The following KSR2 variants were observed in gnomAD, a reference collection of about 807,000 sequenced individuals.
The protein encoded by KSR2 is kinase suppressor of ras 2.
Under a neutral mutation model 107.8 loss-of-function variants are expected in KSR2, and 25 were observed. That is an observed-to-expected ratio of 0.23 (90% CI 0.17 to 0.32). The LOEUF is 0.32. KSR2 is among the 10% of genes least tolerant of loss of function. The pLI is 1.00. For synonymous variants in KSR2, 480 were observed against 507.0 expected (o/e 0.95, Z 0.71); for missense variants, 887 against 1,268.9 (o/e 0.70, Z 4.57).
At chr12:117,740,482 TATA>T (rs1222264648) in intron 4 of KSR2, among the ~76,000 whole-genome samples, 3 of 126,730 alleles carry the variant, frequency 2.4e-5, no homozygotes, top group East Asian at 2.1e-4. Context: ...ATATATAACA[TATA>T]ATATATATGT....
At chr12:117,777,088 T>TTATATATATATA (rs1288633301) in intron 3 of KSR2, among the ~76,000 whole-genome samples, 4,210 of 132,228 alleles carry the variant, frequency 0.032, 136 homozygotes, top group Middle Eastern at 0.075. Flanking sequence ...TATATATATT[T>TTATATATATATA]TATATATATA....
At chr12:117,767,057 C>T (rs1221620360) in intron 3 of KSR2, among the ~76,000 whole-genome samples, 1 of 151,726 alleles carries the variant, frequency 6.6e-6, no homozygotes, top group African/African-American at 2.4e-5. Context: ...CCTCAACCTC[C>T]CAAAGTGCTG....
intron 5 of KSR2, among the ~76,000 whole-genome samples, chr12:117,607,966 A>T (rs1196289133): frequency 6.6e-6 from 1 of 152,204 alleles, no homozygotes; most frequent in African/African-American, 2.4e-5. Flanking sequence ...TCAGCACTGC[A>T]GCCCGGCCAA....
chr12:117,788,518 T>C (rs375423876), intron 3 of KSR2, among the ~76,000 whole-genome samples: 7 of 152,334 alleles, frequency 4.6e-5, no homozygotes, highest in African/African-American at 1.2e-4. Context: ...CACTTTTTTT[T>C]TGAGACAGAG....
chr12:117,605,578 G>A (rs1881181922), intron 5 of KSR2, among the ~76,000 whole-genome samples: 1 of 151,942 alleles, frequency 6.6e-6, no homozygotes, highest in African/African-American at 2.4e-5. Context: ...CCCAGTATGT[G>A]TTGTTCCCCT....
intron 7 of KSR2, among the ~76,000 whole-genome samples, chr12:117,578,643 T>C (rs577258100): frequency 2.0e-4 from 30 of 150,194 alleles, no homozygotes; most frequent in African/African-American, 5.9e-4. Flanking sequence ...GAAAAGGAGT[T>C]GGCAAATTCT....
intron 9 of KSR2, among the ~76,000 whole-genome samples, chr12:117,551,172 T>C (rs999060061): frequency 4.6e-5 from 7 of 152,178 alleles, no homozygotes; most frequent in Middle Eastern, 3.2e-3. Flanking sequence ...TGGCAGATGC[T>C]ACTGTTGCTG....
intron 9 of KSR2, among the ~76,000 whole-genome samples, chr12:117,551,978 C>G (rs765462626): frequency 8.5e-5 from 13 of 152,128 alleles, no homozygotes; most frequent in Non-Finnish European, 1.8e-4. Flanking sequence ...CAAGGTGGTT[C>G]TGAGCTCCTC....
chr12:117,744,557 C>T (rs1054052650), intron 4 of KSR2, among the ~76,000 whole-genome samples: 2 of 152,092 alleles, frequency 1.3e-5, no homozygotes, highest in Non-Finnish European at 2.9e-5. Flanking sequence ...CAAGATCTAG[C>T]AGAGAGGTTT....
At chr12:117,726,306 A>G (rs1257132647) in intron 4 of KSR2, among the ~76,000 whole-genome samples, 2 of 152,238 alleles carry the variant, frequency 1.3e-5, no homozygotes, top group Non-Finnish European at 2.9e-5. Context: ...CCAAAAAAAG[A>G]TGTTCACCAT....
chr12:117,547,250 G>T (rs1876932812), intron 9 of KSR2, among the ~76,000 whole-genome samples: 1 of 152,194 alleles, frequency 6.6e-6, no homozygotes, highest in Non-Finnish European at 1.5e-5. Flanking sequence ...GAGGGAAGGA[G>T]TTCCTCATTA....
At chr12:117,779,095 C>T (rs1174484186) in intron 3 of KSR2, among the ~76,000 whole-genome samples, 2 of 152,154 alleles carry the variant, frequency 1.3e-5, no homozygotes, top group Non-Finnish European at 2.9e-5. Context: ...CTTATGAAGC[C>T]TTCAGAGCCA....
At chr12:117,530,230 C>T (rs899193543) in intron 12 of KSR2, among the ~76,000 whole-genome samples, 2 of 151,976 alleles carry the variant, frequency 1.3e-5, no homozygotes, top group African/African-American at 4.8e-5. Flanking sequence ...TTTGCCTTTC[C>T]CTTTTTAAAG....
rs373184023 is a variant in KSR2 at position 117,968,649 on chromosome 12, AGAG to A, written c.-397_-395del. 9.8e-4 allele frequency: 213 copies of A among 216,894 alleles called. No homozygotes were observed. Among genetic ancestry groups the A allele is most frequent in the South Asian group, 2.2e-3 (14 of 6,350 alleles). The allele number at this position is 216,894 out of a possible 1,614,324, so 13.4% of individuals were successfully genotyped here. ...AGGAGGAGGGAGAGGAGGAGGAGGG[AGAG>A]GAGGAGGAGGAGAAGGAAAATAGCG... On this transcript the variant is annotated 5_prime_UTR_variant, in exon 1 of 20. Transcript: ENST00000339824.
At chr12:117,569,627 C>T (rs1008880349) in intron 7 of KSR2, among the ~76,000 whole-genome samples, 2 of 152,100 alleles carry the variant, frequency 1.3e-5, no homozygotes, top group African/African-American at 2.4e-5. Context: ...TAAAGACCTA[C>T]GTCTATTGTA....
intron 10 of KSR2, among the ~76,000 whole-genome samples, chr12:117,533,662 C>T (rs1404400914): frequency 1.3e-5 from 2 of 152,116 alleles, no homozygotes; most frequent in African/African-American, 4.8e-5. Flanking sequence ...GAAAGACGAC[C>T]CGAGGCTCTC....
At chr12:117,794,011 C>T (rs542678221) in intron 3 of KSR2, among the ~76,000 whole-genome samples, 1 of 104,082 alleles carries the variant, frequency 9.6e-6, no homozygotes, top group East Asian at 4.6e-4. Flanking sequence ...CACACACCAA[C>T]ATGCACACTC....
intron 14 of KSR2, among the ~76,000 whole-genome samples, chr12:117,503,458 C>G (rs1873500550): frequency 6.6e-6 from 1 of 152,142 alleles, no homozygotes; most frequent in South Asian, 2.1e-4. Context: ...TTTTAAAGTG[C>G]ATTGCTCAAT....
intron 4 of KSR2, among the ~76,000 whole-genome samples, chr12:117,721,735 A>G (rs1004094548): frequency 1.3e-5 from 2 of 152,356 alleles, no homozygotes; most frequent in East Asian, 3.9e-4. Context: ...GGTGTCTACA[A>G]GAAAAGAAAC....
Sources: allele counts gnomAD v4.1 joint callset (sites outside exome capture counted in the v4.1 genomes callset), GRCh38; gene constraint gnomAD v4.1.1; transcripts MANE v1.5; gene names NCBI Gene and HGNC (gene_info 2026-07-23, HGNC 2026-07-21).